Variants in ALG6 observed in about 807,000 individuals in gnomAD.
ALG6 encodes ALG6 alpha-1,3-glucosyltransferase.
A neutral mutation model predicts 66.6 loss-of-function variants in ALG6; 46 were observed. The observed-to-expected ratio is 0.69, with a 90% confidence interval of 0.55 to 0.88. ALG6 has a LOEUF of 0.88. Among genes scored for constraint, ALG6 ranks in the 40% least tolerant of loss-of-function variants. ALG6 has a pLI of 0.00. For missense variants in ALG6, 505 were observed against 586.8 expected (o/e 0.86, Z 1.44); for synonymous variants, 185 against 203.7 (o/e 0.91, Z 0.78).
At chr1:63,368,267 A>G (rs566572841) in intron 1 of ALG6, among the ~76,000 whole-genome samples, 195 of 152,186 alleles carry the variant, frequency 1.3e-3, no homozygotes, top group Non-Finnish European at 2.3e-3. Flanking sequence ...AGCAGAAGAG[A>G]GTCGTTAAAA....
chr1:63,402,322 A>G lies in ALG6; in HGVS notation c.236A>G (p.His79Arg). 2 of 1,610,216 alleles carry G rather than the reference A, an allele frequency of 1.2e-6. No homozygotes were observed. Among genetic ancestry groups the G allele is most frequent in the Non-Finnish European group, 8.5e-7 (1 of 1,176,692 alleles). The stretch of plus-strand genomic sequence containing the variant: ...GATTACCCACCTCTTACAGCTTATC[A>G]TAGTCTCCTATGTGCATATGTGTAA... ...GLDYPPLTAY[H>R]SLLCAYVAKF... Residue 79 changes from histidine (H) to arginine (R), a missense_variant, in exon 4 of 15, where the codon CAT becomes CGT. Physicochemically the swap from His to Arg is conservative, Grantham distance 29 (BLOSUM62 0). Transcript: ENST00000263440.
chr1:63,382,955 C>T (rs1378680487), intron 2 of ALG6, among the ~76,000 whole-genome samples: 6 of 152,008 alleles, frequency 3.9e-5, no homozygotes, highest in Non-Finnish European at 7.4e-5. Flanking sequence ...GGATTACAGG[C>T]GTGAGCCACC....
intron 2 of ALG6, among the ~76,000 whole-genome samples, chr1:63,394,480 A>G (rs909895339): frequency 6.6e-6 from 1 of 151,952 alleles, no homozygotes; most frequent in Admixed American, 6.6e-5. Flanking sequence ...CTCGGGTTCA[A>G]GTGCCTCAGC....
At chr1:63,435,571 C>A (rs981695671) in intron 14 of ALG6, among the ~76,000 whole-genome samples, 1 of 152,128 alleles carries the variant, frequency 6.6e-6, no homozygotes, top group Admixed American at 6.6e-5. Context: ...ACTACTGTTT[C>A]TCACTGCTTT....
intron 2 of ALG6, among the ~76,000 whole-genome samples, chr1:63,380,426 A>G (rs909539697): frequency 1.3e-5 from 2 of 152,224 alleles, no homozygotes; most frequent in Non-Finnish European, 2.9e-5. Flanking sequence ...AAGTTGTTAC[A>G]TAAAATATGT....
At chr1:63,385,752 A>G (rs772934276) in intron 2 of ALG6, among the ~76,000 whole-genome samples, 6 of 152,222 alleles carry the variant, frequency 3.9e-5, no homozygotes, top group Non-Finnish European at 8.8e-5. Flanking sequence ...ATAAAATTAT[A>G]TCATCTGCAA....
In ALG6 at chr1:63,404,518, A is replaced by G. The variant is rs1188853849; in HGVS notation, c.323A>G (p.His108Arg). The stretch of plus-strand genomic sequence containing the variant: ...TCACGTGGATATGAGAGTCAGGCAC[A>G]TAAGCTCTTCATGCGTACAACAGGT... ...HTSRGYESQAHKLFMRTTVLI... is the reference protein window; with the variant it reads ...HTSRGYESQARKLFMRTTVLI... Residue 108 changes from histidine (H) to arginine (R), a missense_variant, in exon 5 of 15, where the codon CAT becomes CGT. Coordinates refer to ENST00000263440, the MANE Select transcript of ALG6 (RefSeq NM_013339.4). 6.2e-6 allele frequency: 10 copies of G among 1,613,626 alleles called. No homozygotes were observed.
intron 2 of ALG6, among the ~76,000 whole-genome samples, chr1:63,390,065 T>C (rs1474431961): frequency 6.6e-6 from 1 of 152,204 alleles, no homozygotes; most frequent in Non-Finnish European, 1.5e-5. Context: ...ACCCAAGGCC[T>C]GCGGCAGTCA....
intron 3 of ALG6, among the ~76,000 whole-genome samples, chr1:63,400,296 C>A (rs1292097625): frequency 1.5e-4 from 1 of 6,566 alleles, no homozygotes; most frequent in Admixed American, 2.8e-3. Context: ...TATATATATA[C>A]GTATATATAT....
At chr1:63,384,829 G>A (rs1648448988) in intron 2 of ALG6, among the ~76,000 whole-genome samples, 1 of 152,052 alleles carries the variant, frequency 6.6e-6, no homozygotes, top group African/African-American at 2.4e-5. Flanking sequence ...CTGTTCCATG[G>A]TCTAGGTATC....
rs1241356577 is a variant in ALG6 at position 63,437,613 on chromosome 1, TTTGA to T, written c.*597_*600del. On this transcript the variant is annotated 3_prime_UTR_variant, in exon 15 of 15. Coordinates refer to ENST00000263440, the MANE Select transcript of ALG6 (RefSeq NM_013339.4). ...GAATATGCCTTATTACACATGCAAA[TTTGA>T]TTGTTTTAACAAGGCAAATAAACCA... 6.6e-6 allele frequency: 1 copy of T among 152,222 alleles called. No individual in the cohort carries two copies. The highest frequency in any genetic ancestry group is 1.9e-4 in the East Asian group (1 of 5,200). 9.4% of individuals were successfully genotyped at this position (152,222 alleles called of 1,614,324 possible).
Position 63,425,747 on chromosome 1 carries a change from TG to T in ALG6, c.1059-2984del, listed in dbSNP as rs1435830925. 2.0e-5 allele frequency among the ~76,000 whole-genome samples: 3 copies of T among 152,160 alleles called. No homozygotes were observed. In the East Asian group the frequency reaches 5.8e-4, roughly 29 times the overall value. ...GTATTTCCAGGTTTATGGTTTTGTC[TG>T]GTGAGGATAACTCCCTTGCTTGAGG... On this transcript the variant is annotated intron_variant, in intron 12 of 14. Transcript: ENST00000263440.
chr1:63,375,114 T>G (rs1204854203), intron 2 of ALG6, among the ~76,000 whole-genome samples: 1 of 152,040 alleles, frequency 6.6e-6, no homozygotes, highest in African/African-American at 2.4e-5. Context: ...GGTGGGTGGA[T>G]TGCTTGAACC....
intron 4 of ALG6, among the ~76,000 whole-genome samples, 192 bp downstream of exon 4, chr1:63,402,535 C>T (rs565180302): frequency 7.9e-4 from 109 of 138,590 alleles, no homozygotes; most frequent in Non-Finnish European, 4.1e-4. Flanking sequence ...GGTACAATCT[C>T]GGCTTACTGC....
chr1:63,419,346 AT>A (rs749785946), intron 11 of ALG6, 23 bp from the exon 12 acceptor site: 4 of 1,579,150 alleles, frequency 2.5e-6, no homozygotes, highest in Admixed American at 3.4e-5. Flanking sequence ...GTTATATCTC[AT>A]TTCCCCCCCT....
chr1:63,394,619 C>T (rs1056540535), intron 2 of ALG6, among the ~76,000 whole-genome samples: 5 of 152,166 alleles, frequency 3.3e-5, no homozygotes, highest in East Asian at 1.9e-4. Context: ...CCACCCACCT[C>T]GGCCTCCCAA....
In ALG6 at chr1:63,403,767, T is replaced by C. The variant is rs376323465; in HGVS notation, c.258-686T>C. Reference sequence around the variant, plus strand: ...TCACTGTACTGAATACTGTAGGCAGTTGTAACACAATGGTATTTGTATATT... The same window carrying C: ...TCACTGTACTGAATACTGTAGGCAGCTGTAACACAATGGTATTTGTATATT... On this transcript the variant is annotated intron_variant, in intron 4 of 14. Coordinates refer to ENST00000263440, the MANE Select transcript of ALG6 (RefSeq NM_013339.4). Among the ~76,000 whole-genome samples the C allele has an allele frequency of 1.9e-3, 291 of 152,286 alleles. 11 individuals are homozygous for C. The South Asian group carries it at 0.059, about 31-fold the overall frequency.
chr1:63,375,340 G>A (rs1267455504), intron 2 of ALG6, among the ~76,000 whole-genome samples: 1 of 148,072 alleles, frequency 6.8e-6, no homozygotes, highest in African/African-American at 2.5e-5. Context: ...CGTTTCCTGG[G>A]TTCAAGCAAT....
chr1:63,407,684 T>C (rs1644495509), intron 7 of ALG6, among the ~76,000 whole-genome samples: 1 of 152,048 alleles, frequency 6.6e-6, no homozygotes. Context: ...ATTTGTCTTA[T>C]AATATATTGA....
Sources: allele counts gnomAD v4.1 joint callset (sites outside exome capture counted in the v4.1 genomes callset), GRCh38; gene constraint gnomAD v4.1.1; transcripts MANE v1.5; gene names NCBI Gene and HGNC (gene_info 2026-07-23, HGNC 2026-07-21).